GRID2: variants seen among roughly 807,000 people sequenced by gnomAD.
The protein encoded by GRID2 is glutamate receptor ionotropic, delta-2.
In GRID2, 33 loss-of-function variants were observed where a neutral mutation model predicts 114.8. That is an observed-to-expected ratio of 0.29 (90% CI 0.22 to 0.38). GRID2 has a LOEUF of 0.38. Among genes scored for constraint, GRID2 ranks in the 10% least tolerant of loss-of-function variants. The probability of loss-of-function intolerance (pLI) is 1.00; values close to 1 mark genes in which losing one functional copy is unlikely to be tolerated. For synonymous variants in GRID2, 505 were observed against 449.9 expected (o/e 1.12, Z -1.55); for missense variants, 1,184 against 1,257.7 (o/e 0.94, Z 0.89).
intron 1 of GRID2, among the ~76,000 whole-genome samples, chr4:92,444,366 A>C (rs948244218): frequency 4.9e-4 from 71 of 144,128 alleles, no homozygotes; most frequent in Non-Finnish European, 6.1e-4. Context: ...CGAAAATTAC[A>C]GTCAAAGGGG....
chr4:92,909,099 A>G (rs1038500826), intron 2 of GRID2, among the ~76,000 whole-genome samples: 9 of 152,162 alleles, frequency 5.9e-5, no homozygotes, highest in African/African-American at 2.2e-4. Flanking sequence ...AGAGCTTGGT[A>G]AGAGTGATAT....
chr4:92,470,103 T>C (rs1029850847), intron 1 of GRID2, among the ~76,000 whole-genome samples: 3 of 151,858 alleles, frequency 2.0e-5, no homozygotes, highest in South Asian at 4.1e-4. Flanking sequence ...AAAACAGGTG[T>C]GAAAATTTTT....
chr4:92,954,490 G>A (rs1466306414), intron 2 of GRID2, among the ~76,000 whole-genome samples: 2 of 151,834 alleles, frequency 1.3e-5, no homozygotes, highest in East Asian at 1.9e-4. Flanking sequence ...GCAGTGGAGC[G>A]ATCTCGACTC....
At chr4:92,880,141 C>T (rs769214899) in intron 2 of GRID2, among the ~76,000 whole-genome samples, 2 of 152,168 alleles carry the variant, frequency 1.3e-5, no homozygotes, top group Middle Eastern at 3.4e-3. Flanking sequence ...TGTGTTTATT[C>T]CCGTTCTGTG....
chr4:92,330,289 C>G (rs1039706001), intron 1 of GRID2, among the ~76,000 whole-genome samples: 2 of 152,112 alleles, frequency 1.3e-5, no homozygotes, highest in East Asian at 3.9e-4. Context: ...GACAACATGA[C>G]AGAGGATCTG....
At chr4:92,676,674 A>G (rs11725098) in intron 2 of GRID2, among the ~76,000 whole-genome samples, 8,829 of 152,196 alleles carry the variant, frequency 0.058, 342 homozygotes, top group East Asian at 0.18. Context: ...CAAAATTTTC[A>G]TTATACATTT....
chr4:92,627,323 T>C (rs911197385), intron 2 of GRID2, among the ~76,000 whole-genome samples: 1 of 152,080 alleles, frequency 6.6e-6, no homozygotes, highest in Non-Finnish European at 1.5e-5. Flanking sequence ...AACTTAAATC[T>C]CTCCGTTTTT....
At chr4:92,730,789 T>A (rs1467732530) in intron 2 of GRID2, among the ~76,000 whole-genome samples, 1 of 151,956 alleles carries the variant, frequency 6.6e-6, no homozygotes, top group African/African-American at 2.4e-5. Context: ...TGCAAGCGAA[T>A]AAGCAATCAG....
chr4:92,659,533 T>C (rs552353500), intron 2 of GRID2, among the ~76,000 whole-genome samples: 1 of 151,684 alleles, frequency 6.6e-6, no homozygotes, highest in East Asian at 1.9e-4. Flanking sequence ...TTGCATGAAA[T>C]GATATATAAA....
At chr4:92,358,968 G>A (rs1372519177) in intron 1 of GRID2, among the ~76,000 whole-genome samples, 1 of 151,768 alleles carries the variant, frequency 6.6e-6, no homozygotes, top group Non-Finnish European at 1.5e-5. Flanking sequence ...AGTAACATAC[G>A]TCTAAATACA....
chr4:92,953,989 TC>T (rs1380523540), intron 2 of GRID2, among the ~76,000 whole-genome samples: 2 of 152,106 alleles, frequency 1.3e-5, no homozygotes, highest in African/African-American at 4.8e-5. Context: ...GTCCTCATAA[TC>T]TCACTAGAAG....
chr4:92,484,240 G>A (rs35179268), intron 1 of GRID2, among the ~76,000 whole-genome samples: 7,819 of 152,156 alleles, frequency 0.051, 252 homozygotes, highest in East Asian at 0.083. Context: ...CACAACTAGA[G>A]TTGGTTATTG....
chr4:93,608,763 A>C (rs1236728793), intron 13 of GRID2, among the ~76,000 whole-genome samples: 1 of 137,502 alleles, frequency 7.3e-6, no homozygotes, highest in Non-Finnish European at 1.6e-5. Context: ...ACAGTGCCGC[A>C]ATAAACATAC....
chr4:93,242,257 C>T (rs1004427001), intron 8 of GRID2, among the ~76,000 whole-genome samples: 4 of 151,830 alleles, frequency 2.6e-5, no homozygotes, highest in Non-Finnish European at 5.9e-5. Context: ...GGAGAAGTTT[C>T]GAAATAGCTG....
intron 8 of GRID2, among the ~76,000 whole-genome samples, chr4:93,365,750 A>T (rs1456050508): frequency 6.6e-6 from 1 of 152,156 alleles, no homozygotes; most frequent in South Asian, 2.1e-4. Context: ...TTACAGCCTA[A>T]AGTTAGGCAT....
chr4:92,603,651 C>T (rs974331190), intron 2 of GRID2, among the ~76,000 whole-genome samples: 7 of 151,984 alleles, frequency 4.6e-5, no homozygotes, highest in East Asian at 1.9e-4. Context: ...ATGAAGAAAA[C>T]GCCCAAAGCA....
At chr4:93,376,407 GGATTCAGACAGCA>G in intron 8 of GRID2, among the ~76,000 whole-genome samples, 1 of 152,024 alleles carries the variant, frequency 6.6e-6, no homozygotes, top group South Asian at 2.1e-4. Context: ...TGGATATGGG[GGATTCAGACAGCA>G]CAATCTAGCT....
At chr4:93,305,074 AG>A (rs1249765250) in intron 8 of GRID2, among the ~76,000 whole-genome samples, 5 of 152,164 alleles carry the variant, frequency 3.3e-5, no homozygotes, top group Admixed American at 3.3e-4. Flanking sequence ...AATATTTTTA[AG>A]AGTTTTAATG....
At chr4:92,610,802 G>A (rs1729683897) in intron 2 of GRID2, among the ~76,000 whole-genome samples, 1 of 151,616 alleles carries the variant, frequency 6.6e-6, no homozygotes, top group South Asian at 2.1e-4. Context: ...TTCATTAAAT[G>A]GAATTAGATA....
Sources: gnomAD v4.1 joint callset for allele counts (sites outside exome capture counted in the v4.1 genomes callset) on GRCh38, gnomAD v4.1.1 for gene constraint, MANE v1.5 for transcripts, NCBI Gene and HGNC (gene_info 2026-07-23, HGNC 2026-07-21) for gene names.